RBFOX1: variants seen among roughly 807,000 people sequenced by gnomAD.
The protein encoded by RBFOX1 is RNA binding protein fox-1 homolog 1.
RBFOX1 carries 8 observed loss-of-function variants against 57.7 expected under a neutral mutation model. That is an observed-to-expected ratio of 0.14 (90% confidence interval 0.08 to 0.25). The LOEUF is 0.25. RBFOX1 is among the 10% of genes least tolerant of loss of function. The probability of loss-of-function intolerance (pLI) is 1.00; values close to 1 mark genes in which losing one functional copy is unlikely to be tolerated. For synonymous variants in RBFOX1, 326 were observed against 222.4 expected (o/e 1.47, Z -4.15); for missense variants, 611 against 548.5 (o/e 1.11, Z -1.14).
At chr16:5,742,340 C>T (rs536865494) in intron 3 of RBFOX1, among the ~76,000 whole-genome samples, 11 of 146,336 alleles carry the variant, frequency 7.5e-5, no homozygotes, top group Admixed American at 4.1e-4. Context: ...TCCTTCCTCT[C>T]CTAACTTTCC....
chr16:6,011,283 C>T (rs1484248988), intron 4 of RBFOX1, among the ~76,000 whole-genome samples: 2 of 152,090 alleles, frequency 1.3e-5, no homozygotes, highest in Non-Finnish European at 2.9e-5. Context: ...TCATTTTTAA[C>T]CTTCATGGTT....
intron 2 of RBFOX1, among the ~76,000 whole-genome samples, chr16:6,330,448 C>T (rs1319107959): frequency 1.3e-5 from 2 of 152,154 alleles, no homozygotes; most frequent in Non-Finnish European, 2.9e-5. Flanking sequence ...ACTATGAAGG[C>T]TTTGAAAAGG....
At chr16:5,742,857 A>G (rs967192244) in intron 3 of RBFOX1, among the ~76,000 whole-genome samples, 6 of 152,144 alleles carry the variant, frequency 3.9e-5, no homozygotes, top group African/African-American at 1.4e-4. Flanking sequence ...AGCTTGAAGA[A>G]CTTCATTTGG....
chr16:6,063,481 ACACACACACACACACACACACACACC>A (rs1441366793), intron 1 of RBFOX1, among the ~76,000 whole-genome samples: 1 of 96,182 alleles, frequency 1.0e-5, no homozygotes, highest in Non-Finnish European at 2.2e-5. Context: ...ACACACACAC[ACACACACACACACACACACACACACC>A]CCCTTATATT....
rs202196483 is a variant in RBFOX1 at position 6,051,908 on chromosome 16, T to C, written c.-127+31916T>C. 3.9e-5 allele frequency among the ~76,000 whole-genome samples: 6 copies of C among 152,184 alleles called. No individual in the cohort carries two copies. In the East Asian group the frequency reaches 1.2e-3, roughly 30 times the overall value. On this transcript the variant is annotated intron_variant, in intron 1 of 15. Transcript: ENST00000550418. ...ATCTTTCTTCCTTCCAGTCCATCCT[T>C]TGATTTTTCTTTCCAGTTCCACTGC... is the stretch of plus-strand genomic sequence containing the variant.
intron 5 of RBFOX1, among the ~76,000 whole-genome samples, chr16:7,556,013 T>A (rs554490379): frequency 6.8e-6 from 1 of 146,862 alleles, no homozygotes; most frequent in African/African-American, 2.7e-5. Context: ...GCATACTTAG[T>A]GCTTAATGGA....
chr16:5,781,908 A>T (rs2054335498), intron 3 of RBFOX1, among the ~76,000 whole-genome samples: 1 of 152,224 alleles, frequency 6.6e-6, no homozygotes, highest in Admixed American at 6.5e-5. Context: ...AGGGTAATTT[A>T]TAAAGAACAG....
intron 2 of RBFOX1, among the ~76,000 whole-genome samples, chr16:6,455,419 C>G (rs1468957267): frequency 6.6e-6 from 1 of 152,176 alleles, no homozygotes; most frequent in Non-Finnish European, 1.5e-5. Context: ...GGCATTTCCT[C>G]TACACCCAAC....
chr16:6,824,984 T>TTTTTTTTTTTTTTG, intron 3 of RBFOX1, among the ~76,000 whole-genome samples: 1 of 29,308 alleles, frequency 3.4e-5, no homozygotes, highest in Non-Finnish European at 5.0e-5. Flanking sequence ...TCTTTCTTGG[T>TTTTTTTTTTTTTTG]TTTTTTTTTT....
chr16:5,880,108 C>G (rs912521603), intron 4 of RBFOX1, among the ~76,000 whole-genome samples: 6 of 152,190 alleles, frequency 3.9e-5, no homozygotes, highest in African/African-American at 1.4e-4. Context: ...TCACTGACTC[C>G]TACACTGGGG....
At chr16:5,753,440 A>G (rs535510604) in intron 3 of RBFOX1, among the ~76,000 whole-genome samples, 5 of 152,312 alleles carry the variant, frequency 3.3e-5, no homozygotes, top group African/African-American at 1.2e-4. Context: ...TTTCACTTGA[A>G]AAAGAGTTAC....
At chr16:6,749,573 A>G (rs1198932975) in intron 3 of RBFOX1, among the ~76,000 whole-genome samples, 1 of 152,172 alleles carries the variant, frequency 6.6e-6, no homozygotes, top group African/African-American at 2.4e-5. Context: ...TGCCGATTTC[A>G]AAGCTCCTTC....
chr16:6,995,441 G>A (rs977867381), intron 3 of RBFOX1, among the ~76,000 whole-genome samples: 1 of 151,954 alleles, frequency 6.6e-6, no homozygotes, highest in Non-Finnish European at 1.5e-5. Flanking sequence ...AAATTCCCAA[G>A]CAAATAATCT....
At chr16:5,364,617 A>T (rs112982695) in intron 1 of RBFOX1, among the ~76,000 whole-genome samples, 2 of 152,178 alleles carry the variant, frequency 1.3e-5, no homozygotes, top group African/African-American at 4.8e-5. Context: ...AATTTTTTAC[A>T]TTCTGCTTTT....
At chr16:5,340,201 G>A (rs1456201619) in intron 1 of RBFOX1, among the ~76,000 whole-genome samples, 1 of 152,088 alleles carries the variant, frequency 6.6e-6, no homozygotes, top group African/African-American at 2.4e-5. Context: ...TACATCTGGG[G>A]CTTTTATTCT....
At chr16:7,155,791 A>T (rs111451230) in intron 4 of RBFOX1, among the ~76,000 whole-genome samples, 24,745 of 145,166 alleles carry the variant, frequency 0.17, 2,334 homozygotes, top group Middle Eastern at 0.24. Context: ...ATATATAATC[A>T]TTCAGCTATT....
At chr16:7,283,544 C>T (rs1002796981) in intron 4 of RBFOX1, among the ~76,000 whole-genome samples, 2 of 152,072 alleles carry the variant, frequency 1.3e-5, no homozygotes, top group Admixed American at 1.3e-4. Context: ...TCTGTGTTGG[C>T]CAGGGAAACA....
chr16:6,558,910 C>T (rs917107319), intron 2 of RBFOX1, among the ~76,000 whole-genome samples: 2 of 152,016 alleles, frequency 1.3e-5, no homozygotes, highest in East Asian at 1.9e-4. Flanking sequence ...CTGGAATGTG[C>T]CCCTCCTGCC....
intron 4 of RBFOX1, among the ~76,000 whole-genome samples, chr16:7,493,317 T>G (rs118146556): frequency 6.6e-6 from 1 of 152,184 alleles, no homozygotes; most frequent in South Asian, 2.1e-4. Flanking sequence ...AGTACAGATA[T>G]GGAATATTTC....
Sources: allele counts gnomAD v4.1 joint callset (sites outside exome capture counted in the v4.1 genomes callset), GRCh38; gene constraint gnomAD v4.1.1; transcripts MANE v1.5; gene names NCBI Gene and HGNC (gene_info 2026-07-23, HGNC 2026-07-21).